Variants in OTOA observed in about 807,000 individuals in gnomAD.
OTOA encodes otoancorin, also known as cancer/testis antigen 108.
A neutral mutation model predicts 110.8 loss-of-function variants in OTOA; 70 were observed. The ratio of observed to expected loss-of-function variants is 0.63; its 90% CI spans 0.52 to 0.77. The LOEUF is 0.77. Ranked by LOEUF, OTOA falls within the 30% of genes least tolerant of loss-of-function variation. OTOA has a pLI of 0.00. For missense variants in OTOA, 917 were observed against 1,075.8 expected, an observed-to-expected ratio of 0.85 and a Z score of 2.06; for synonymous variants, 373 against 431.5, an observed-to-expected ratio of 0.86 and a Z score of 1.68.
At chr16:21,714,792 G>A (rs149946800) in intron 13 of OTOA, among the ~76,000 whole-genome samples, 193 bp from the exon 14 acceptor site, 7 of 152,130 alleles carry the variant, frequency 4.6e-5, no homozygotes, top group Admixed American at 1.3e-4. Flanking sequence ...TTACAGGCGT[G>A]AGCCACCATG....
chr16:21,706,484 C>G (rs1196960287), intron 12 of OTOA, among the ~76,000 whole-genome samples: 1 of 152,158 alleles, frequency 6.6e-6, no homozygotes, highest in Non-Finnish European at 1.5e-5. Flanking sequence ...GATTTTAATG[C>G]TTCTCAGGTG....
In OTOA at chr16:21,722,113, T is replaced by G. The variant is rs1898765719; in HGVS notation, c.1807-792T>G. Among the ~76,000 whole-genome samples the G allele has an allele frequency of 3.6e-5, 5 of 137,922 alleles. No homozygotes were observed. In the South Asian group the frequency reaches 6.7e-4, roughly 18 times the overall value. 90.5% of individuals were successfully genotyped at this position (137,922 alleles called of 152,430 possible). On this transcript the variant is annotated intron_variant, in intron 17 of 28. Transcript: ENST00000646100. Reference sequence around the variant, plus strand: ...CTAAAAATACAAAAAAAAAAAAAAATTAGCCGTGCATGGTGGGGGGTGCCT... The same window carrying G: ...CTAAAAATACAAAAAAAAAAAAAAAGTAGCCGTGCATGGTGGGGGGTGCCT...
Position 21,704,832 on chromosome 16 carries a change from A to G in OTOA, c.981-337A>G. ...TATAGGCGGAGGGTAATGAGACTTGATCTGATTGGGTCTTGCTACAAGGTG... is the reference window on the plus strand; with the variant it reads ...TATAGGCGGAGGGTAATGAGACTTGGTCTGATTGGGTCTTGCTACAAGGTG... On this transcript the variant is annotated intron_variant, in intron 11 of 28. Coordinates refer to ENST00000646100, the MANE Select transcript of OTOA (RefSeq NM_144672.4). 5 of 742,144 alleles carry G rather than the reference A, an allele frequency of 6.7e-6. No homozygotes were observed. The East Asian group carries it at 9.8e-5, about 15-fold the overall frequency. 46.0% of individuals were successfully genotyped at this position (742,144 alleles called of 1,614,324 possible). A position where few individuals can be genotyped will look rare whatever the true frequency, so the allele number is the denominator to read the frequency against.
intron 1 of OTOA, among the ~76,000 whole-genome samples, chr16:21,676,698 T>C (rs1966858538): frequency 6.6e-6 from 1 of 152,192 alleles, no homozygotes; most frequent in African/African-American, 2.4e-5. Context: ...GAACTTTCTC[T>C]CTGTGCAACT....
intron 10 of OTOA, among the ~76,000 whole-genome samples, chr16:21,699,142 G>A (rs982391376): frequency 6.6e-6 from 1 of 152,012 alleles, no homozygotes; most frequent in African/African-American, 2.4e-5. Context: ...GCAGAGACGA[G>A]GTTTCACCAT....
chr16:21,736,128 A>G (rs1195129383), intron 21 of OTOA, 133 bp from the exon 22 acceptor site: 12 of 783,754 alleles, frequency 1.5e-5, no homozygotes, highest in East Asian at 5.3e-5. Flanking sequence ...GGGACTAGGG[A>G]ATAGATTTAT....
At position 21,700,969 on chromosome 16, in the gene OTOA, T is replaced by C; in HGVS notation, c.922T>C (p.Phe308Leu). 1.2e-6 allele frequency: 2 copies of C among 1,614,050 alleles called. No homozygotes were observed. Among genetic ancestry groups the C allele is most frequent in the African/African-American group, 1.3e-5 (1 of 74,992 alleles). The change falls in exon 11 of 29, where the codon TTT becomes CTT. Residue 308 changes from phenylalanine (F) to leucine (L), a missense_variant. Phe to Leu is a conservative substitution (Grantham distance 22). This residue lies in a region of OTOA where 840 missense variants were observed against 910.2 expected (regional missense o/e 0.92). Coordinates refer to ENST00000646100, the MANE Select transcript of OTOA (RefSeq NM_144672.4). Reference protein sequence around the residue: ...YDITPELAQAFLERISSSNFN... With the variant: ...YDITPELAQALLERISSSNFN... The stretch of plus-strand genomic sequence containing the variant: ...CATCACACCTGAGCTGGCCCAGGCG[T>C]TTCTGGAGAGGATCAGCTCCTCCAA...
intron 20 of OTOA, among the ~76,000 whole-genome samples, chr16:21,728,651 C>T (rs542601345): frequency 4.6e-5 from 7 of 151,428 alleles, no homozygotes; most frequent in African/African-American, 1.2e-4. Flanking sequence ...TACAGTGGCA[C>T]GACCTTGGCT....
chr16:21,709,820 G>C, intron 12 of OTOA, 68 bp from the exon 13 acceptor site: 1 of 1,379,218 alleles, frequency 7.3e-7, no homozygotes, highest in Non-Finnish European at 1.0e-6. Context: ...TAATAGCCCT[G>C]GATATGGTCA....
intron 1 of OTOA, among the ~76,000 whole-genome samples, chr16:21,664,549 G>A (rs764081127): frequency 2.6e-5 from 4 of 152,130 alleles, no homozygotes; most frequent in South Asian, 2.1e-4. Context: ...TATAGCAGCA[G>A]TAAAAACAAT....
chr16:21,731,756 C>A (rs1899123356), intron 21 of OTOA, among the ~76,000 whole-genome samples: 2 of 151,998 alleles, frequency 1.3e-5, no homozygotes, highest in African/African-American at 4.8e-5. Context: ...ACAATCAGAT[C>A]CCCCACAAAG....
At chr16:21,666,703 G>T (rs981979123) in intron 1 of OTOA, among the ~76,000 whole-genome samples, 3 of 152,048 alleles carry the variant, frequency 2.0e-5, no homozygotes, top group African/African-American at 7.3e-5. Context: ...CTGCAGTGGG[G>T]GAATCTTTCA....
intron 13 of OTOA, 82 bp from the exon 14 acceptor site, chr16:21,714,903 T>C: frequency 6.3e-7 from 1 of 1,577,248 alleles, no homozygotes; most frequent in South Asian, 1.1e-5. Flanking sequence ...ATCCCTATAC[T>C]TGGCACATAG....
Position 21,685,236 on chromosome 16 carries a change from G to T in OTOA, c.274G>T (p.Val92Leu), listed in dbSNP as rs759414633. ...AFTIPSLQAAVENHLEQRLHQ... is the reference protein window; with the variant it reads ...AFTIPSLQAALENHLEQRLHQ... ...CCCAACACCCCAAATACAGGCAGCC[G>T]TGGAAAACCACCTGGAGCAGCGTCT... is the stretch of plus-strand genomic sequence containing the variant. Residue 92 changes from valine (V) to leucine (L), a missense_variant, in exon 7 of 29, where the codon GTG (valine) becomes TTG (leucine). Val to Leu is a conservative substitution (Grantham distance 32, BLOSUM62 1). Around this residue, in one of 6 missense-constraint regions of OTOA, gnomAD observed 840 missense variants for 910.2 expected, o/e 0.92. Transcript: ENST00000646100. 1.6e-5 allele frequency: 26 copies of T among 1,611,660 alleles called. No individual in the cohort carries two copies. The South Asian group carries it at 2.3e-4, about 14-fold the overall frequency.
intron 9 of OTOA, 137 bp from the exon 10 acceptor site, chr16:21,697,638 C>T: frequency 1.2e-6 from 1 of 810,792 alleles, no homozygotes. Context: ...TCTCAAAAAA[C>T]CCCGAAAAAC....
chr16:21,690,157 G>A (rs1378095211), intron 8 of OTOA, among the ~76,000 whole-genome samples: 25 of 152,160 alleles, frequency 1.6e-4, no homozygotes, highest in Non-Finnish European at 1.5e-5. Context: ...GGGAAAAATA[G>A]TTACATATAC....
At position 21,676,944 on chromosome 16, in the gene OTOA, T is replaced by C. The variant is rs189461706; in HGVS notation, c.-4-1567T>C. Among the ~76,000 whole-genome samples, 132 of 152,296 alleles carry C rather than the reference T, an allele frequency of 8.7e-4. 1 individual carries two copies. Among genetic ancestry groups the C allele is most frequent in the African/African-American group, 3.2e-3 (131 of 41,548 alleles). The stretch of plus-strand genomic sequence containing the variant: ...CTGCTGCCCAATGTCTGAAAAACCT[T>C]TGGATGCACATATTTCAGCCAGCTT... On this transcript the variant is annotated intron_variant, in intron 1 of 28. Coordinates refer to ENST00000646100, the MANE Select transcript of OTOA (RefSeq NM_144672.4).
chr16:21,693,262 G>A (rs1042235709), intron 9 of OTOA, among the ~76,000 whole-genome samples: 1 of 151,960 alleles, frequency 6.6e-6, no homozygotes, highest in Admixed American at 6.6e-5. Context: ...AGACCTTGTC[G>A]CAAAACAAGC....
intron 18 of OTOA, among the ~76,000 whole-genome samples, chr16:21,725,286 T>G (rs909457271): frequency 3.3e-5 from 5 of 152,014 alleles, no homozygotes; most frequent in South Asian, 2.1e-4. Flanking sequence ...AATAGATTTT[T>G]TTGTTGTTGT....
Sources: allele counts gnomAD v4.1 joint callset (sites outside exome capture counted in the v4.1 genomes callset), GRCh38; gene constraint gnomAD v4.1.1; regional missense constraint gnomAD v4.1.1; transcripts MANE v1.5; gene names NCBI Gene and HGNC (gene_info 2026-07-23, HGNC 2026-07-21).